Variants in METTL2A observed in about 807,000 individuals in gnomAD.
METTL2A encodes tRNA N(3)-cytidine methyltransferase METTL2A.
METTL2A carries 45 observed loss-of-function variants against 49.4 expected under a neutral mutation model. The ratio of observed to expected loss-of-function variants is 0.91; its 90% CI spans 0.72 to 1.17. The LOEUF is 1.17. Among genes scored for constraint, METTL2A ranks in the 50% most tolerant of loss-of-function variants. The pLI is 0.00. For missense variants in METTL2A, 361 were observed against 462.2 expected (o/e 0.78, Z 2.01); for synonymous variants, 118 against 167.5 (o/e 0.70, Z 2.28).
chr17:62,444,541 A>G (rs909303856), intron 6 of METTL2A, among the ~76,000 whole-genome samples: 1 of 152,158 alleles, frequency 6.6e-6, no homozygotes, highest in Non-Finnish European at 1.5e-5. Flanking sequence ...CAGCCTCCCA[A>G]AGTGCTGGTA....
Position 62,426,757 on chromosome 17 carries a change from A to G in METTL2A, c.558+103A>G, listed in dbSNP as rs182215506. 134 of 778,500 alleles carry G rather than the reference A, an allele frequency of 1.7e-4. No homozygotes were observed. In the East Asian group the frequency reaches 2.6e-3, roughly 15 times the overall value. 48.2% of individuals were successfully genotyped at this position (778,500 alleles called of 1,614,324 possible). The stretch of plus-strand genomic sequence containing the variant: ...CAACAAAAGTAACTTCTATTGGATG[A>G]TGCTGACTAGACTTGACCCTTATAT... On this transcript the variant is annotated intron_variant, in intron 3 of 8. Transcript: ENST00000311506.
At position 62,427,724 on chromosome 17, in the gene METTL2A, T is replaced by C. The variant is rs191060960; in HGVS notation, c.559-64T>C. 1.6e-4 allele frequency: 250 copies of C among 1,609,024 alleles called. 4 individuals carry two copies. In the East Asian group the frequency reaches 5.5e-3, roughly 35 times the overall value. On this transcript the variant is annotated intron_variant, in intron 3 of 8. Transcript: ENST00000311506. ...TCTTGTTGATTATTATTTTTCTAGC[T>C]TTTCTAGCTTTAGGGAATTAACTCT...
At chr17:62,426,225 C>T (rs2070625178) in intron 2 of METTL2A, 74 bp from the exon 3 acceptor site, 1 of 1,395,950 alleles carries the variant, frequency 7.2e-7, no homozygotes, top group Non-Finnish European at 9.7e-7. Flanking sequence ...TTTGGTAAAG[C>T]AGGATAATTG....
chr17:62,438,180 G>T (rs1201319211), intron 5 of METTL2A, among the ~76,000 whole-genome samples: 2 of 152,032 alleles, frequency 1.3e-5, no homozygotes, highest in Admixed American at 1.3e-4. Flanking sequence ...GCTAAGACGG[G>T]CAGATCATCT....
intron 6 of METTL2A, among the ~76,000 whole-genome samples, chr17:62,444,613 C>A (rs2070756957): frequency 6.6e-6 from 1 of 152,170 alleles, no homozygotes; most frequent in South Asian, 2.1e-4. Flanking sequence ...CAGAAGCGGG[C>A]TGTCCTCGGG....
chr17:62,430,764 C>T (rs1280570604), intron 4 of METTL2A, among the ~76,000 whole-genome samples: 2 of 152,114 alleles, frequency 1.3e-5, no homozygotes, highest in East Asian at 1.9e-4. Context: ...CCTCAACCTC[C>T]GCCTCCCAGG....
chr17:62,426,981 G>C (rs1157134195), intron 3 of METTL2A, among the ~76,000 whole-genome samples: 5 of 152,122 alleles, frequency 3.3e-5, no homozygotes, highest in African/African-American at 1.2e-4. Flanking sequence ...CTATAACTCT[G>C]GAAAAAAGTC....
chr17:62,428,026 A>ATT (rs1344293505), intron 4 of METTL2A, among the ~76,000 whole-genome samples, 189 bp downstream of exon 4: 1 of 152,250 alleles, frequency 6.6e-6, no homozygotes, highest in African/African-American at 2.4e-5. Context: ...AACTTGCTGC[A>ATT]TCAAACTATC....
At chr17:62,435,026 A>G (rs1203229442) in intron 4 of METTL2A, 1 of 608,892 alleles carries the variant, frequency 1.6e-6, no homozygotes, top group Non-Finnish European at 2.7e-6. Context: ...TATAAACTTC[A>G]TATTAGCTAT....
rs531278303 is a variant in METTL2A at position 62,424,310 on chromosome 17, G to A, written c.202G>A (p.Val68Ile). 1.2e-5 allele frequency: 19 copies of A among 1,613,882 alleles called. No homozygotes were observed. Among genetic ancestry groups the A allele is most frequent in the African/African-American group, 9.3e-5 (7 of 75,046 alleles). ...CCAGCGGGTGTGCCAGGAGAAACAA[G>A]GTGCGCTTAAATGGGCTCTCATTGG... ...SIQRVCQEKQVDYEINAHKYW... is the reference protein window; with the variant it reads ...SIQRVCQEKQIDYEINAHKYW... The change falls in exon 2 of 9, where the codon GTT becomes ATT. Residue 68 changes from valine (V) to isoleucine (I), a missense_variant and splice_region_variant. By Grantham distance (29) the Val-to-Ile change is conservative. This residue lies in a region of METTL2A where 150 missense variants were observed against 170.1 expected (regional missense o/e 0.88). Coordinates refer to ENST00000311506, the MANE Select transcript of METTL2A (RefSeq NM_181725.4).
chr17:62,430,517 T>C, intron 4 of METTL2A, among the ~76,000 whole-genome samples: 1 of 152,174 alleles, frequency 6.6e-6, no homozygotes, highest in Non-Finnish European at 1.5e-5. Context: ...CTATAAAGTA[T>C]GTCCTCTTAT....
Position 62,449,357 on chromosome 17 carries a change from C to T in METTL2A, c.*628C>T, listed in dbSNP as rs1430800571. 1.6e-5 allele frequency: 7 copies of T among 444,742 alleles called. No homozygotes were observed. Among genetic ancestry groups the T allele is most frequent in the Non-Finnish European group, 2.7e-5 (6 of 223,408 alleles). 27.5% of individuals were successfully genotyped at this position (444,742 alleles called of 1,614,324 possible). On this transcript the variant is annotated 3_prime_UTR_variant, in exon 9 of 9. Transcript: ENST00000311506. ...ATATTTTCCTGACAAAAAAAAATGACCCTACAGAGAGCATCAAAATGTGGT... is the reference window on the plus strand; with the variant it reads ...ATATTTTCCTGACAAAAAAAAATGATCCTACAGAGAGCATCAAAATGTGGT...
Position 62,424,412 on chromosome 17 carries a change from C to G in METTL2A, c.202+102C>G. 6 of 1,518,074 alleles carry G rather than the reference C, an allele frequency of 4.0e-6. No homozygotes were observed. The South Asian group carries it at 7.2e-5, about 18-fold the overall frequency. The allele number at this position is 1,518,074 out of a possible 1,614,324, so 94.0% of individuals were successfully genotyped here. ...CCGCGGCCGCCCAGATCCTTTATTC[C>G]TGGCCTGATGCAGATCTCAGGAGTA... On this transcript the variant is annotated intron_variant, in intron 2 of 8. Transcript: ENST00000311506.
At chr17:62,442,468 G>A (rs569526595) in intron 6 of METTL2A, among the ~76,000 whole-genome samples, 37 of 152,082 alleles carry the variant, frequency 2.4e-4, no homozygotes, top group African/African-American at 8.4e-4. Flanking sequence ...TAGTAGAGAC[G>A]GGGTTTCACT....
chr17:62,435,216 T>C lies in METTL2A; in HGVS notation c.609-16T>C. On this transcript the variant is annotated splice_polypyrimidine_tract_variant and intron_variant, in intron 4 of 8. Coordinates refer to ENST00000311506, the MANE Select transcript of METTL2A (RefSeq NM_181725.4). ...GATTTGTAGTCTCATTGTTCTGTCT[T>C]TTCTGCCCATTTCAGTGACCCAGGA... The C allele has an allele frequency of 6.2e-7, 1 of 1,613,994 alleles. No individual in the cohort carries two copies. The highest frequency in any genetic ancestry group is 8.5e-7 in the Non-Finnish European group (1 of 1,179,860).
At chr17:62,448,198 C>G (rs2144160291) in intron 8 of METTL2A, among the ~76,000 whole-genome samples, 1 of 152,328 alleles carries the variant, frequency 6.6e-6, no homozygotes, top group African/African-American at 2.4e-5. Context: ...CTGGGCCTTC[C>G]AAATTCTCCG....
At position 62,452,381 on chromosome 17, in the gene METTL2A, A is replaced by G. The variant is rs1305161138; in HGVS notation, c.*3652A>G. On this transcript the variant is annotated 3_prime_UTR_variant, in exon 9 of 9. Transcript: ENST00000311506. Reference sequence around the variant, plus strand: ...GCCGGGTTCTGCCACTGTAAAGTTAATAAGTATTTTGTAGGGAAGTGCTTT... The same window carrying G: ...GCCGGGTTCTGCCACTGTAAAGTTAGTAAGTATTTTGTAGGGAAGTGCTTT... 1.3e-5 allele frequency among the ~76,000 whole-genome samples: 2 copies of G among 152,206 alleles called. No individual in the cohort carries two copies. The highest frequency in any genetic ancestry group is 6.5e-5 in the Admixed American group (1 of 15,268).
At position 62,450,274 on chromosome 17, in the gene METTL2A, TTTA is replaced by T. The variant is rs1309672099; in HGVS notation, c.*1546_*1548del. ...TTTTTTTTTTTTTTTTTTTTTTTTT[TTTA>T]AGGAGACAGGGCTCTCACTTTGTTG... is the stretch of plus-strand genomic sequence containing the variant. On this transcript the variant is annotated 3_prime_UTR_variant, in exon 9 of 9. Transcript: ENST00000311506. The T allele has an allele frequency of 5.4e-5, 7 of 129,826 alleles. No individual in the cohort carries two copies. The highest frequency in any genetic ancestry group is 8.2e-5 in the Admixed American group (1 of 12,168). 8.0% of individuals were successfully genotyped at this position (129,826 alleles called of 1,614,324 possible). A position where few individuals can be genotyped will look rare whatever the true frequency, so the allele number is the denominator to read the frequency against.
intron 5 of METTL2A, among the ~76,000 whole-genome samples, chr17:62,437,178 C>T (rs1447686822): frequency 2.0e-5 from 3 of 148,658 alleles, no homozygotes; most frequent in East Asian, 3.9e-4. Flanking sequence ...ACTGTGTTGC[C>T]CAGGCTGAAG....
Sources: allele counts gnomAD v4.1 joint callset (sites outside exome capture counted in the v4.1 genomes callset), GRCh38; gene constraint gnomAD v4.1.1; regional missense constraint gnomAD v4.1.1; transcripts MANE v1.5; gene names NCBI Gene and HGNC (gene_info 2026-07-23, HGNC 2026-07-21).